The following SYN2 variants were observed in gnomAD, a reference collection of about 807,000 sequenced individuals.
SYN2 encodes the protein synapsin-2.
SYN2 carries 19 observed loss-of-function variants against 50.9 expected under a neutral mutation model. The ratio of observed to expected loss-of-function variants is 0.37; its 90% CI spans 0.26 to 0.55. The LOEUF (loss-of-function observed/expected upper bound fraction) is 0.55. Among genes scored for constraint, SYN2 ranks in the 20% least tolerant of loss-of-function variants. SYN2 has a pLI of 0.81. For missense variants in SYN2, 587 were observed against 576.4 expected (o/e 1.02, Z -0.19); for synonymous variants, 255 against 224.9 (o/e 1.13, Z -1.20).
intron 1 of SYN2, among the ~76,000 whole-genome samples, chr3:12,131,470 G>A (rs112995243): frequency 2.7e-3 from 417 of 152,190 alleles, no homozygotes; most frequent in Non-Finnish European, 4.0e-3. Flanking sequence ...GCTCTTCAAA[G>A]CAAACTTGAT....
chr3:12,095,142 A>G (rs546044394), intron 1 of SYN2, among the ~76,000 whole-genome samples: 3 of 151,382 alleles, frequency 2.0e-5, no homozygotes, highest in Non-Finnish European at 2.9e-5. Flanking sequence ...TCAAGACAGA[A>G]TCATCTACAC....
intron 1 of SYN2, among the ~76,000 whole-genome samples, chr3:12,061,239 A>G (rs751412972): frequency 6.6e-6 from 1 of 152,166 alleles, no homozygotes; most frequent in Non-Finnish European, 1.5e-5. Flanking sequence ...GATATTTTCA[A>G]TAGGTATAAG....
chr3:12,098,856 C>CATA (rs1553614781), intron 1 of SYN2, among the ~76,000 whole-genome samples: 1 of 133,634 alleles, frequency 7.5e-6, no homozygotes, highest in African/African-American at 2.8e-5. Context: ...AAAGCAAAAG[C>CATA]ATATATATAT....
chr3:12,084,889 C>T (rs13094720), intron 1 of SYN2, among the ~76,000 whole-genome samples: 2 of 151,402 alleles, frequency 1.3e-5, no homozygotes, highest in Admixed American at 1.3e-4. Context: ...CTAGTAGATA[C>T]ACAAAAGATA....
intron 1 of SYN2, among the ~76,000 whole-genome samples, chr3:12,062,534 C>T (rs1695134491): frequency 1.3e-5 from 2 of 151,882 alleles, no homozygotes; most frequent in South Asian, 2.1e-4. Flanking sequence ...AATTTCTGCT[C>T]TATAGAAGAC....
At chr3:12,143,662 A>G (rs1193640276) in intron 3 of SYN2, among the ~76,000 whole-genome samples, 1 of 152,064 alleles carries the variant, frequency 6.6e-6, no homozygotes, top group Admixed American at 6.5e-5. Context: ...TGTATGCTAT[A>G]TATATTTTCT....
chr3:12,025,277 G>C (rs1694232517), intron 1 of SYN2, among the ~76,000 whole-genome samples: 1 of 152,080 alleles, frequency 6.6e-6, no homozygotes, highest in Non-Finnish European at 1.5e-5. Context: ...TATGTGTTTG[G>C]GAGTGACACA....
At chr3:12,166,559 C>G (rs996542894) in intron 7 of SYN2, among the ~76,000 whole-genome samples, 7 of 152,186 alleles carry the variant, frequency 4.6e-5, no homozygotes, top group South Asian at 2.1e-4. Context: ...GTGGGCACAG[C>G]AGAGAAGAAG....
In SYN2 at chr3:12,162,071, G is replaced by T. The variant is rs767020841; in HGVS notation, c.897G>T (p.Gln299His). 2 of 1,614,046 alleles carry T rather than the reference G, an allele frequency of 1.2e-6. No individual in the cohort carries two copies. Among genetic ancestry groups the T allele is most frequent in the South Asian group, 2.2e-5 (2 of 91,066 alleles). The change falls in exon 7 of 13, where the codon CAG becomes CAT. Residue 299 changes from glutamine to histidine, a missense_variant. Coordinates refer to ENST00000621198, the MANE Select transcript of SYN2 (RefSeq NM_133625.6). ...TTGCCAGCGTGGTGGCTCTCACCCA[G>T]ACCTATGCCACTGCAGAGCCTTTCA... ...QDIASVVALT[Q>H]TYATAEPFID...
At chr3:12,082,879 T>A (rs1036109899) in intron 1 of SYN2, among the ~76,000 whole-genome samples, 3 of 152,176 alleles carry the variant, frequency 2.0e-5, no homozygotes. Flanking sequence ...ATTTGAACTT[T>A]TTTATTTCAG....
chr3:12,081,841 A>G (rs1486183490), intron 1 of SYN2, among the ~76,000 whole-genome samples: 2 of 152,060 alleles, frequency 1.3e-5, no homozygotes, highest in Non-Finnish European at 1.5e-5. Flanking sequence ...GGCCCAACTC[A>G]AGTATTATTT....
intron 1 of SYN2, among the ~76,000 whole-genome samples, chr3:12,117,193 C>T (rs921104862): frequency 6.6e-6 from 1 of 152,144 alleles, no homozygotes; most frequent in Admixed American, 6.5e-5. Flanking sequence ...CTTTTCCCCA[C>T]CTTCATGGAT....
At position 12,188,357 on chromosome 3, in the gene SYN2, C is replaced by A. The variant is rs183341605; in HGVS notation, c.1613+745C>A. Among the ~76,000 whole-genome samples, 26 of 152,354 alleles carry A rather than the reference C, an allele frequency of 1.7e-4. No individual in the cohort carries two copies. In the East Asian group the frequency reaches 4.8e-3, roughly 28 times the overall value. Reference sequence around the variant, plus strand: ...TGGACGATGGTCAGTTCTGCCCTCTCTCCCACAGAGGCCTCTGATTGCTTG... The same window carrying A: ...TGGACGATGGTCAGTTCTGCCCTCTATCCCACAGAGGCCTCTGATTGCTTG... On this transcript the variant is annotated intron_variant, in intron 12 of 12. Transcript: ENST00000621198.
chr3:12,186,463 T>C (rs528265194), intron 11 of SYN2, among the ~76,000 whole-genome samples: 1 of 152,252 alleles, frequency 6.6e-6, no homozygotes, highest in African/African-American at 2.4e-5. Flanking sequence ...TGTTCCTTTT[T>C]AGGGGGGCTT....
At chr3:12,013,347 T>C (rs948368465) in intron 1 of SYN2, among the ~76,000 whole-genome samples, 7 of 152,172 alleles carry the variant, frequency 4.6e-5, no homozygotes, top group Non-Finnish European at 1.5e-5. Context: ...CCTCATTAAA[T>C]GTAGATGTTC....
chr3:12,038,239 A>G (rs1164054787), intron 1 of SYN2, among the ~76,000 whole-genome samples: 1 of 152,166 alleles, frequency 6.6e-6, no homozygotes, highest in Non-Finnish European at 1.5e-5. Flanking sequence ...TTTGAATTCT[A>G]AGTTCTATTC....
At chr3:12,153,673 G>A (rs1574971468) in intron 5 of SYN2, 2 of 1,614,070 alleles carry the variant, frequency 1.2e-6, no homozygotes. Context: ...CACTCGTTAG[G>A]GGCCGAGATG....
intron 1 of SYN2, among the ~76,000 whole-genome samples, chr3:12,074,483 T>A (rs558010987): frequency 3.3e-5 from 5 of 152,304 alleles, no homozygotes; most frequent in Non-Finnish European, 7.4e-5. Flanking sequence ...ATTATGTTAG[T>A]GAATACTCTT....
chr3:12,099,579 C>A (rs1696019945), intron 1 of SYN2, among the ~76,000 whole-genome samples: 1 of 151,716 alleles, frequency 6.6e-6, no homozygotes, highest in Non-Finnish European at 1.5e-5. Flanking sequence ...GCTATACTTG[C>A]CTATATTGAA....
Sources: allele counts gnomAD v4.1 joint callset (sites outside exome capture counted in the v4.1 genomes callset), GRCh38; gene constraint gnomAD v4.1.1; transcripts MANE v1.5; gene names NCBI Gene and HGNC (gene_info 2026-07-23, HGNC 2026-07-21).